The following CCDC144A variants were observed in gnomAD, a reference collection of about 807,000 sequenced individuals.
The protein encoded by CCDC144A is coiled-coil domain-containing protein 144A.
CCDC144A carries 41 observed loss-of-function variants against 143.8 expected under a neutral mutation model. That is an observed-to-expected ratio of 0.29 (90% confidence interval 0.22 to 0.37). CCDC144A has a LOEUF of 0.37. Among genes scored for constraint, CCDC144A ranks in the 10% least tolerant of loss-of-function variants. CCDC144A has a pLI of 1.00. For synonymous variants in CCDC144A, 242 were observed against 517.9 expected, an observed-to-expected ratio of 0.47 and a Z score of 7.23; for missense variants, 637 against 1,488.8, an observed-to-expected ratio of 0.43 and a Z score of 9.41.
At chr17:16,763,549 AG>A (rs1208940844) in intron 14 of CCDC144A, among the ~76,000 whole-genome samples, 1 of 150,636 alleles carries the variant, frequency 6.6e-6, no homozygotes, top group Non-Finnish European at 1.5e-5. Flanking sequence ...ATTTATACGC[AG>A]TGAAATGGTT....
chr17:16,708,211 A>G (rs1912168405), intron 4 of CCDC144A, among the ~76,000 whole-genome samples: 1 of 152,194 alleles, frequency 6.6e-6, no homozygotes, highest in Admixed American at 6.5e-5. Context: ...GAACTGAAGA[A>G]GATAGTCTAG....
intron 15 of CCDC144A, among the ~76,000 whole-genome samples, chr17:16,769,711 A>T (rs1275846499): frequency 6.6e-6 from 1 of 152,126 alleles, no homozygotes; most frequent in Non-Finnish European, 1.5e-5. Context: ...AAGTTATGAT[A>T]TTAATTGTTC....
chr17:16,721,182 A>G (rs1347914809), intron 8 of CCDC144A, among the ~76,000 whole-genome samples: 1 of 151,778 alleles, frequency 6.6e-6, no homozygotes, highest in Non-Finnish European at 1.5e-5. Flanking sequence ...TTGTTCCAGC[A>G]CTGATAGCTT....
intron 6 of CCDC144A, among the ~76,000 whole-genome samples, chr17:16,713,387 G>A (rs1912559104): frequency 6.6e-6 from 1 of 151,882 alleles, no homozygotes; most frequent in African/African-American, 2.4e-5. Context: ...ATGTATTTCA[G>A]TAGGAAACAC....
intron 3 of CCDC144A, chr17:16,706,356 C>G (rs1342129902): frequency 2.8e-5 from 4 of 144,386 alleles, no homozygotes; most frequent in Middle Eastern, 3.4e-3. Flanking sequence ...ACATTAATGT[C>G]CAAGCATCTT....
the CCDC144A span, among the ~76,000 whole-genome samples, chr17:16,674,688 A>G: frequency 2.2e-4 from 33 of 152,262 alleles, no homozygotes; most frequent in South Asian, 1.0e-3. Context: ...TGAATAAACC[A>G]CAGAACCAAA....
chr17:16,713,344 C>G (rs1174401779), intron 6 of CCDC144A, among the ~76,000 whole-genome samples: 3 of 151,586 alleles, frequency 2.0e-5, no homozygotes, highest in African/African-American at 7.3e-5. Context: ...AGGTACCCTA[C>G]ATGCATGCCA....
intron 15 of CCDC144A, among the ~76,000 whole-genome samples, chr17:16,770,681 T>A (rs576929398): frequency 3.9e-5 from 6 of 152,172 alleles, no homozygotes; most frequent in Admixed American, 6.5e-5. Context: ...CTTTTTTTTT[T>A]AAGAATGGAA....
At chr17:16,742,405 A>G (rs1914296349) in intron 12 of CCDC144A, among the ~76,000 whole-genome samples, 1 of 152,164 alleles carries the variant, frequency 6.6e-6, no homozygotes, top group African/African-American at 2.4e-5. Context: ...TTTATGGCTG[A>G]ATAGTATTCC....
intron 12 of CCDC144A, among the ~76,000 whole-genome samples, chr17:16,755,160 T>G (rs1915017736): frequency 6.6e-6 from 1 of 152,230 alleles, no homozygotes; most frequent in Admixed American, 6.5e-5. Context: ...CAGCATATTA[T>G]TTGGTCTTTT....
intron 12 of CCDC144A, among the ~76,000 whole-genome samples, chr17:16,754,607 G>A (rs1351875277): frequency 6.6e-6 from 1 of 152,074 alleles, no homozygotes; most frequent in Non-Finnish European, 1.5e-5. Flanking sequence ...ATTCCATTGT[G>A]GTTTGAGAAG....
intron 8 of CCDC144A, among the ~76,000 whole-genome samples, chr17:16,725,002 ATTTTTTTTTTTT>A (rs1167527388): frequency 2.7e-4 from 10 of 37,274 alleles, no homozygotes; most frequent in African/African-American, 5.0e-4. Flanking sequence ...ATAGCTGGTA[ATTTTTTTTTTTT>A]TTTTTTTTTT....
At chr17:16,729,930 G>T (rs1161699189) in intron 9 of CCDC144A, among the ~76,000 whole-genome samples, 3 of 139,828 alleles carry the variant, frequency 2.1e-5, no homozygotes, top group African/African-American at 8.2e-5. Context: ...CCCATCACCT[G>T]AGTAGTACAT....
intron 11 of CCDC144A, among the ~76,000 whole-genome samples, chr17:16,733,694 T>G (rs1445887277): frequency 6.6e-6 from 1 of 151,510 alleles, no homozygotes; most frequent in East Asian, 1.9e-4. Context: ...CTTTTATATT[T>G]ATATATACAC....
upstream of CCDC144A, among the ~76,000 whole-genome samples, chr17:16,688,543 C>T (rs1910872455): frequency 8.3e-6 from 1 of 120,522 alleles, no homozygotes; most frequent in East Asian, 2.7e-4. Context: ...GGCTGGAGTA[C>T]AGTGGCATGA....
chr17:16,755,580 G>A (rs1358951155), intron 12 of CCDC144A, among the ~76,000 whole-genome samples: 2 of 152,150 alleles, frequency 1.3e-5, no homozygotes, highest in Non-Finnish European at 2.9e-5. Flanking sequence ...ATTTATTGGA[G>A]ACAGAGTCTC....
At chr17:16,693,461 G>A (rs1433167299) in intron 2 of CCDC144A, among the ~76,000 whole-genome samples, 7 of 151,884 alleles carry the variant, frequency 4.6e-5, no homozygotes, top group African/African-American at 1.5e-4. Context: ...GACTACAGGC[G>A]CCCGCCACCC....
chr17:16,695,767 T>A (rs1362569713), intron 2 of CCDC144A, among the ~76,000 whole-genome samples: 1 of 151,666 alleles, frequency 6.6e-6, no homozygotes, highest in Non-Finnish European at 1.5e-5. Context: ...CTTTATGTGG[T>A]GAGGAATGAA....
intron 6 of CCDC144A, among the ~76,000 whole-genome samples, chr17:16,717,120 CTTTTCTT>C (rs1912816628): frequency 1.4e-5 from 1 of 73,542 alleles, no homozygotes. Flanking sequence ...TTTTTTTTTT[CTTTTCTT>C]TTTTCTTTGT....
Sources: allele counts gnomAD v4.1 joint callset (sites outside exome capture counted in the v4.1 genomes callset), GRCh38; gene constraint gnomAD v4.1.1; transcripts MANE v1.5; gene names NCBI Gene and HGNC (gene_info 2026-07-23, HGNC 2026-07-21).